BTBD9: variants seen among roughly 807,000 people sequenced by gnomAD.
BTBD9 encodes the protein BTB domain containing 9.
Under a neutral mutation model 64.3 loss-of-function variants are expected in BTBD9, and 49 were observed. The ratio of observed to expected loss-of-function variants is 0.76; its 90% CI spans 0.61 to 0.97. The LOEUF is 0.97. BTBD9 is among the 50% of genes least tolerant of loss of function. BTBD9 has a pLI of 0.00. For missense variants in BTBD9, 598 were observed against 762.1 expected, an observed-to-expected ratio of 0.78 and a Z score of 2.53; for synonymous variants, 260 against 274.7, an observed-to-expected ratio of 0.95 and a Z score of 0.53.
At chr6:38,399,854 C>A (rs1015321476) in intron 6 of BTBD9, among the ~76,000 whole-genome samples, 1 of 152,026 alleles carries the variant, frequency 6.6e-6, no homozygotes, top group Non-Finnish European at 1.5e-5. Flanking sequence ...CGGGTTCAAG[C>A]GATTCTCCAG....
chr6:38,180,587 ATT>A (rs1370251533), intron 10 of BTBD9, among the ~76,000 whole-genome samples: 1 of 152,116 alleles, frequency 6.6e-6, no homozygotes, highest in Non-Finnish European at 1.5e-5. Context: ...AAGTGATTCA[ATT>A]TCTTTTCTCC....
At chr6:38,257,292 C>T (rs1466440139) in intron 8 of BTBD9, among the ~76,000 whole-genome samples, 1 of 152,042 alleles carries the variant, frequency 6.6e-6, no homozygotes, top group Non-Finnish European at 1.5e-5. Flanking sequence ...CAGCCTCCAA[C>T]TCCTGGGCTC....
intron 7 of BTBD9, among the ~76,000 whole-genome samples, chr6:38,335,907 T>C (rs1408997868): frequency 2.6e-5 from 4 of 151,974 alleles, no homozygotes; most frequent in Non-Finnish European, 5.9e-5. Flanking sequence ...CTAATTTTTG[T>C]ATTTTTTTGT....
chr6:38,328,965 AAT>A (rs1326550306), intron 7 of BTBD9, among the ~76,000 whole-genome samples: 7 of 104,096 alleles, frequency 6.7e-5, no homozygotes, highest in Non-Finnish European at 9.1e-5. Context: ...AAAGAAAGAA[AAT>A]ATGTGTGTGT....
At chr6:38,312,763 A>G (rs748674806) in intron 7 of BTBD9, among the ~76,000 whole-genome samples, 3 of 152,134 alleles carry the variant, frequency 2.0e-5, no homozygotes, top group Non-Finnish European at 2.9e-5. Context: ...CTATTGGTCT[A>G]TGTGTCTGTT....
chr6:38,346,361 G>A (rs62397029), intron 6 of BTBD9, among the ~76,000 whole-genome samples: 7 of 151,914 alleles, frequency 4.6e-5, no homozygotes, highest in East Asian at 1.9e-4. Flanking sequence ...TGACTCTCAC[G>A]GCATTCCCTG....
At chr6:38,190,486 AAAAAG>A (rs1423835740) in intron 10 of BTBD9, among the ~76,000 whole-genome samples, 16 of 151,530 alleles carry the variant, frequency 1.1e-4, no homozygotes, top group African/African-American at 3.2e-4. Context: ...AAAAAAAAAA[AAAAAG>A]ATGTTTCCCA....
In BTBD9 at chr6:38,433,607, GC is replaced by G. The variant is rs1768555579; in HGVS notation, c.1155-88515del. On this transcript the variant is annotated intron_variant, in intron 6 of 10. Transcript: ENST00000481247. ...CTACCCACCCAAATCCTATAAAACA[GC>G]CCCACCCCTATCTCCCTTTGCTGAC... Among the ~76,000 whole-genome samples, 6 of 151,236 alleles carry G rather than the reference GC, an allele frequency of 4.0e-5. No individual in the cohort carries two copies. The South Asian group carries it at 1.3e-3, about 32-fold the overall frequency.
At chr6:38,375,320 C>G (rs1274833410) in intron 6 of BTBD9, among the ~76,000 whole-genome samples, 1 of 151,954 alleles carries the variant, frequency 6.6e-6, no homozygotes, top group Admixed American at 6.6e-5. Flanking sequence ...TTCTTCTGTC[C>G]CTGCCCCCAG....
At chr6:38,449,767 T>A (rs1050219994) in intron 6 of BTBD9, among the ~76,000 whole-genome samples, 2 of 151,536 alleles carry the variant, frequency 1.3e-5, no homozygotes, top group African/African-American at 4.9e-5. Context: ...AAAAAAAAGA[T>A]AAAAATCAAC....
chr6:38,271,284 CA>C (rs1050177438), intron 8 of BTBD9, among the ~76,000 whole-genome samples: 36 of 152,104 alleles, frequency 2.4e-4, no homozygotes, highest in African/African-American at 8.7e-4. Context: ...TGGCAGCCCA[CA>C]AGGCTCATTC....
intron 10 of BTBD9, among the ~76,000 whole-genome samples, chr6:38,181,255 C>T (rs570174238): frequency 1.3e-5 from 2 of 152,320 alleles, no homozygotes; most frequent in African/African-American, 4.8e-5. Flanking sequence ...TTTCCTGGTT[C>T]CTCCTGAATA....
intron 7 of BTBD9, among the ~76,000 whole-genome samples, chr6:38,321,005 G>GA (rs1330266149): frequency 2.0e-5 from 3 of 152,176 alleles, no homozygotes; most frequent in Non-Finnish European, 2.9e-5. Flanking sequence ...ATTTGCTGGG[G>GA]ACAGCAATTT....
At chr6:38,585,005 G>C (rs1776449414) in intron 4 of BTBD9, among the ~76,000 whole-genome samples, 1 of 151,842 alleles carries the variant, frequency 6.6e-6, no homozygotes, top group Non-Finnish European at 1.5e-5. Context: ...GGTAATTTAG[G>C]CAAGTTACAT....
chr6:38,293,145 CT>C (rs1762024793), intron 7 of BTBD9, among the ~76,000 whole-genome samples: 2 of 152,070 alleles, frequency 1.3e-5, no homozygotes, highest in African/African-American at 4.8e-5. Context: ...AGTTTCTCCA[CT>C]GCTCAAGGAA....
intron 6 of BTBD9, among the ~76,000 whole-genome samples, chr6:38,505,611 G>A (rs1270720283): frequency 5.3e-5 from 8 of 150,840 alleles, no homozygotes; most frequent in Non-Finnish European, 8.8e-5. Flanking sequence ...GCGACACAGC[G>A]AGACTCTGTC....
chr6:38,273,999 A>G (rs1765282661), intron 8 of BTBD9, among the ~76,000 whole-genome samples: 1 of 152,194 alleles, frequency 6.6e-6, no homozygotes, highest in Admixed American at 6.5e-5. Flanking sequence ...AAACAGACTA[A>G]TCTGATCATC....
At chr6:38,286,567 T>C (rs918677004) in intron 8 of BTBD9, among the ~76,000 whole-genome samples, 1 of 152,062 alleles carries the variant, frequency 6.6e-6, no homozygotes, top group Non-Finnish European at 1.5e-5. Flanking sequence ...TTCAGAGACC[T>C]TCTTAGAACA....
At chr6:38,320,361 A>G (rs960129279) in intron 7 of BTBD9, among the ~76,000 whole-genome samples, 1 of 152,226 alleles carries the variant, frequency 6.6e-6, no homozygotes, top group Admixed American at 6.5e-5. Flanking sequence ...CCTCCTTCTC[A>G]ATACAAGTAT....
Sources: gnomAD v4.1 joint callset for allele counts (sites outside exome capture counted in the v4.1 genomes callset) on GRCh38, gnomAD v4.1.1 for gene constraint, MANE v1.5 for transcripts, NCBI Gene and HGNC (gene_info 2026-07-23, HGNC 2026-07-21) for gene names.